The following CCDC85A variants were observed in gnomAD, a reference collection of about 807,000 sequenced individuals.
CCDC85A encodes coiled-coil domain-containing protein 85A.
In CCDC85A, 38 loss-of-function variants were observed where a neutral mutation model predicts 50.2. That is an observed-to-expected ratio of 0.76 (90% CI 0.58 to 0.99). The LOEUF (loss-of-function observed/expected upper bound fraction) is 0.99, where lower values mean the gene tolerates loss of function less well. CCDC85A is among the 50% of genes least tolerant of loss of function. CCDC85A has a pLI of 0.00. For missense variants in CCDC85A, 820 were observed against 742.0 expected, an observed-to-expected ratio of 1.11 and a Z score of -1.22; for synonymous variants, 366 against 301.4, an observed-to-expected ratio of 1.21 and a Z score of -2.22.
chr2:56,208,093 A>C (rs913963021), intron 2 of CCDC85A, among the ~76,000 whole-genome samples: 1 of 152,144 alleles, frequency 6.6e-6, no homozygotes, highest in Non-Finnish European at 1.5e-5. Context: ...TTGTTTCTTA[A>C]GGATTGATTT....
chr2:56,243,897 G>C (rs751521869), intron 2 of CCDC85A, among the ~76,000 whole-genome samples: 4 of 152,160 alleles, frequency 2.6e-5, no homozygotes, highest in African/African-American at 9.7e-5. Context: ...ACTCATAGAG[G>C]TATTGCCTTG....
At chr2:56,378,912 C>T (rs185965934) in intron 5 of CCDC85A, among the ~76,000 whole-genome samples, 1 of 152,274 alleles carries the variant, frequency 6.6e-6, no homozygotes, top group East Asian at 1.9e-4. Flanking sequence ...TACTTCAACA[C>T]TTTGATTTAT....
chr2:56,361,273 G>A (rs1675512954), intron 3 of CCDC85A, among the ~76,000 whole-genome samples: 2 of 146,776 alleles, frequency 1.4e-5, no homozygotes, highest in Admixed American at 6.8e-5. Flanking sequence ...AAAAAAAATA[G>A]GGAATAGAAT....
intron 2 of CCDC85A, among the ~76,000 whole-genome samples, chr2:56,230,690 T>G (rs1462899050): frequency 6.6e-6 from 1 of 152,236 alleles, no homozygotes; most frequent in East Asian, 1.9e-4. Context: ...CTGACCCTTG[T>G]TTGATTATTC....
At chr2:56,248,793 A>G (rs986181828) in intron 2 of CCDC85A, among the ~76,000 whole-genome samples, 48 of 152,202 alleles carry the variant, frequency 3.2e-4, no homozygotes, top group African/African-American at 1.1e-3. Flanking sequence ...ACTGGGTTTC[A>G]TTAGAATCCT....
At chr2:56,318,911 A>G (rs907362433) in intron 2 of CCDC85A, among the ~76,000 whole-genome samples, 2 of 152,146 alleles carry the variant, frequency 1.3e-5, no homozygotes, top group African/African-American at 4.8e-5. Flanking sequence ...ACAGCAGCCC[A>G]TGAAAGCCAA....
At chr2:56,288,696 C>G (rs982812778) in intron 2 of CCDC85A, among the ~76,000 whole-genome samples, 4 of 149,118 alleles carry the variant, frequency 2.7e-5, no homozygotes, top group East Asian at 4.0e-4. Flanking sequence ...CCATGCCCCC[C>G]CCACCCCAAA....
chr2:56,227,776 C>T (rs1318378070), intron 2 of CCDC85A, among the ~76,000 whole-genome samples: 1 of 151,914 alleles, frequency 6.6e-6, no homozygotes, highest in East Asian at 1.9e-4. Context: ...TCTGTTGGTC[C>T]AGTCTCTCTT....
At chr2:56,367,096 TC>T (rs1675832159) in intron 3 of CCDC85A, among the ~76,000 whole-genome samples, 1 of 152,076 alleles carries the variant, frequency 6.6e-6, no homozygotes. Flanking sequence ...TTCCATAATT[TC>T]CACAGAGCCC....
chr2:56,355,416 T>G (rs1054153608), intron 3 of CCDC85A, among the ~76,000 whole-genome samples: 1 of 152,190 alleles, frequency 6.6e-6, no homozygotes, highest in Non-Finnish European at 1.5e-5. Flanking sequence ...GTCTATTTCT[T>G]ACCTTTGGGA....
intron 2 of CCDC85A, among the ~76,000 whole-genome samples, chr2:56,213,902 TGTATA>T (rs1189156182): frequency 2.0e-5 from 3 of 151,872 alleles, no homozygotes; most frequent in Non-Finnish European, 2.9e-5. Context: ...AGGATAACCC[TGTATA>T]GTGAATTGTA....
At chr2:56,186,661 T>C (rs1676060106) in intron 1 of CCDC85A, among the ~76,000 whole-genome samples, 1 of 152,236 alleles carries the variant, frequency 6.6e-6, no homozygotes, top group South Asian at 2.1e-4. Context: ...TTTAATAGTA[T>C]GGAGCATCAA....
chr2:56,306,888 A>AT (rs946019263), intron 2 of CCDC85A, among the ~76,000 whole-genome samples: 11 of 150,402 alleles, frequency 7.3e-5, no homozygotes, highest in South Asian at 2.1e-4. Flanking sequence ...ATATGAGTTA[A>AT]TTTTTTTTTT....
intron 3 of CCDC85A, among the ~76,000 whole-genome samples, chr2:56,349,368 T>G (rs1674791154): frequency 6.6e-6 from 1 of 152,076 alleles, no homozygotes; most frequent in South Asian, 2.1e-4. Context: ...GCACGAGTGG[T>G]GTGGGTGTGT....
intron 2 of CCDC85A, among the ~76,000 whole-genome samples, chr2:56,271,712 G>A (rs1448211703): frequency 2.0e-5 from 3 of 152,172 alleles, no homozygotes; most frequent in Non-Finnish European, 4.4e-5. Context: ...GGGAGGTAAG[G>A]CACAGACAAG....
chr2:56,283,217 T>C (rs1308854274), intron 2 of CCDC85A, among the ~76,000 whole-genome samples: 1 of 152,202 alleles, frequency 6.6e-6, no homozygotes, highest in African/African-American at 2.4e-5. Flanking sequence ...TCTACTGATC[T>C]TAGAGGAAAA....
intron 2 of CCDC85A, among the ~76,000 whole-genome samples, chr2:56,236,029 A>G (rs545766615): frequency 9.2e-5 from 14 of 152,316 alleles, no homozygotes; most frequent in African/African-American, 3.4e-4. Flanking sequence ...AAAAAGAGTG[A>G]GATGTTCAGT....
chr2:56,318,474 C>A (rs918510528), intron 2 of CCDC85A, among the ~76,000 whole-genome samples: 56 of 151,976 alleles, frequency 3.7e-4, no homozygotes, highest in Admixed American at 3.7e-3. Context: ...TCCAGTCATT[C>A]CTTCAGTGCA....
chr2:56,329,413 T>G (rs1673645462), intron 2 of CCDC85A, among the ~76,000 whole-genome samples: 1 of 152,184 alleles, frequency 6.6e-6, no homozygotes, highest in Admixed American at 6.5e-5. Flanking sequence ...GGAGTACCCC[T>G]AGCACATAGT....
Sources: allele counts gnomAD v4.1 joint callset (sites outside exome capture counted in the v4.1 genomes callset), GRCh38; gene constraint gnomAD v4.1.1; transcripts MANE v1.5; gene names NCBI Gene and HGNC (gene_info 2026-07-23, HGNC 2026-07-21).